KCTD16: variants seen among roughly 807,000 people sequenced by gnomAD.
The protein encoded by KCTD16 is potassium channel tetramerization domain containing 16.
Under a neutral mutation model 33.2 loss-of-function variants are expected in KCTD16, and 13 were observed. That is an observed-to-expected ratio of 0.39 (90% CI 0.25 to 0.62). KCTD16 has a LOEUF of 0.62. Ranked by LOEUF, KCTD16 falls within the 20% of genes least tolerant of loss-of-function variation. The probability of loss-of-function intolerance (pLI) is 0.50; values close to 1 mark genes in which losing one functional copy is unlikely to be tolerated. For missense variants in KCTD16, 441 were observed against 525.1 expected (o/e 0.84, Z 1.57); for synonymous variants, 197 against 195.3 (o/e 1.01, Z -0.07).
At chr5:144,241,544 C>G (rs1754404169) in intron 3 of KCTD16, among the ~76,000 whole-genome samples, 3 of 152,100 alleles carry the variant, frequency 2.0e-5, no homozygotes, top group Admixed American at 2.0e-4. Flanking sequence ...GCAAACAAGT[C>G]TTGCATGTGA....
rs1754681753 is a variant in KCTD16, at chr5:144,480,377, A to C, written c.*6263A>C. ...CTCATGTGAAATTCAAACAATACTA[A>C]TTTCTGGGGAAAAATCAAACTCATA... is the stretch of plus-strand genomic sequence containing the variant. On this transcript the variant is annotated 3_prime_UTR_variant, in exon 4 of 4. Transcript: ENST00000512467. The C allele has an allele frequency of 6.6e-6, 1 of 151,980 alleles. No homozygotes were observed. The highest frequency in any genetic ancestry group is 1.5e-5 in the Non-Finnish European group (1 of 67,934). The allele number at this position is 151,980 out of a possible 1,614,324, so 9.4% of individuals were successfully genotyped here.
In KCTD16 at chr5:144,404,497, C is replaced by T. The variant is rs535164053; in HGVS notation, c.833-69163C>T. On this transcript the variant is annotated intron_variant, in intron 3 of 3. Coordinates refer to ENST00000512467, the MANE Select transcript of KCTD16 (RefSeq NM_020768.4). ...TATCCTGGTGATGGAAAATATCCCT[C>T]AATCATCATTTGTGCAGATATCTCT... Among the ~76,000 whole-genome samples, 10 of 152,264 alleles carry T rather than the reference C, an allele frequency of 6.6e-5. No individual in the cohort carries two copies. In the South Asian group the frequency reaches 2.1e-3, roughly 32 times the overall value.
At chr5:144,391,650 C>A (rs1019681944) in intron 3 of KCTD16, among the ~76,000 whole-genome samples, 15 of 152,202 alleles carry the variant, frequency 9.9e-5, no homozygotes, top group Non-Finnish European at 4.4e-5. Flanking sequence ...CTTCCATTTT[C>A]TCCTTATAAA....
intron 3 of KCTD16, among the ~76,000 whole-genome samples, chr5:144,471,252 G>T (rs1192038104): frequency 6.6e-6 from 1 of 152,082 alleles, no homozygotes; most frequent in African/African-American, 2.4e-5. Context: ...TTTCCTTCTG[G>T]GTCCATTGAA....
intron 3 of KCTD16, among the ~76,000 whole-genome samples, chr5:144,464,536 A>G (rs369665689): frequency 1.8e-4 from 27 of 152,312 alleles, no homozygotes; most frequent in African/African-American, 5.3e-4. Context: ...ACAAGGAATG[A>G]TTCAGCCCAA....
chr5:144,173,901 A>ATTTTTTTTTTTTTT (rs58804094), intron 1 of KCTD16, among the ~76,000 whole-genome samples: 1 of 140,828 alleles, frequency 7.1e-6, no homozygotes, highest in Non-Finnish European at 1.5e-5. Context: ...TTCTTTTTGG[A>ATTTTTTTTTTTTTT]TTTTTTTTTT....
chr5:144,301,240 C>CAAAAA (rs5871873), intron 3 of KCTD16, among the ~76,000 whole-genome samples: 2 of 74,702 alleles, frequency 2.7e-5, no homozygotes, highest in East Asian at 4.4e-4. Context: ...GATTCCATCT[C>CAAAAA]AAAAAAAAAA....
rs1489740245 is a variant in KCTD16, at chr5:144,396,911, A to ATT, written c.833-76748_833-76747dup. Among the ~76,000 whole-genome samples, 484 of 68,950 alleles carry ATT rather than the reference A, an allele frequency of 7.0e-3. 3 individuals are homozygous for ATT. The highest frequency in any genetic ancestry group is 0.034 in the African/African-American group (445 of 13,048). 45.2% of individuals were successfully genotyped at this position (68,950 alleles called of 152,430 possible). A position where few individuals can be genotyped will look rare whatever the true frequency, so the allele number is the denominator to read the frequency against. ...TAGCATTGCTGAATTCACTTTATTTATTATATATATATATATATATATTTT... is the reference window on the plus strand; with the variant it reads ...TAGCATTGCTGAATTCACTTTATTTATTTTATATATATATATATATATATTTT... On this transcript the variant is annotated intron_variant, in intron 3 of 3. Transcript: ENST00000512467.
intron 3 of KCTD16, among the ~76,000 whole-genome samples, chr5:144,416,516 T>A (rs1052886930): frequency 1.3e-5 from 2 of 152,186 alleles, no homozygotes; most frequent in Non-Finnish European, 2.9e-5. Flanking sequence ...AGGAAATATG[T>A]TTACTAAAGA....
At position 144,352,804 on chromosome 5, in the gene KCTD16, T is replaced by C. The variant is rs944708988; in HGVS notation, c.833-120856T>C. ...TGAGATGATTTATGAAAACAAATGA[T>C]CTGAGTTGGCACTAATGGGTTTTGA... On this transcript the variant is annotated intron_variant, in intron 3 of 3. Transcript: ENST00000512467. Among the ~76,000 whole-genome samples, 4 of 152,234 alleles carry C rather than the reference T, an allele frequency of 2.6e-5. No individual in the cohort carries two copies. In the South Asian group the frequency reaches 6.2e-4, roughly 24 times the overall value.
rs562375182 is a variant in KCTD16 at position 144,325,406 on chromosome 5, G to C, written c.832+117860G>C. On this transcript the variant is annotated intron_variant, in intron 3 of 3. Transcript: ENST00000512467. ...GATTTCCCATTGCTCCCAGGATACG[G>C]TCTAATTCTTCAACAGGAATCAAAG... Among the ~76,000 whole-genome samples the C allele has an allele frequency of 2.0e-5, 3 of 152,062 alleles. No homozygotes were observed. The East Asian group carries it at 5.8e-4, about 29-fold the overall frequency.
chr5:144,374,990 C>T (rs1257962013), intron 3 of KCTD16, among the ~76,000 whole-genome samples: 2 of 152,186 alleles, frequency 1.3e-5, no homozygotes, highest in East Asian at 3.8e-4. Context: ...CATTGTTCCC[C>T]AGCAATTATG....
intron 3 of KCTD16, among the ~76,000 whole-genome samples, chr5:144,219,576 AATGGCGCG>A (rs1203543398): frequency 5.3e-5 from 7 of 133,006 alleles, no homozygotes; most frequent in Non-Finnish European, 9.2e-5. Flanking sequence ...GCTGGAGTGC[AATGGCGCG>A]ATCTCGGCTC....
At chr5:144,227,026 G>A (rs1344556773) in intron 3 of KCTD16, among the ~76,000 whole-genome samples, 2 of 152,186 alleles carry the variant, frequency 1.3e-5, no homozygotes, top group Non-Finnish European at 2.9e-5. Flanking sequence ...GCATTGAGGA[G>A]TCAGCACTGA....
chr5:144,300,750 A>C (rs1751412633), intron 3 of KCTD16, among the ~76,000 whole-genome samples: 3 of 152,332 alleles, frequency 2.0e-5, no homozygotes, highest in Non-Finnish European at 2.9e-5. Context: ...GAGTCCACCC[A>C]AAGGATTTCA....
intron 3 of KCTD16, among the ~76,000 whole-genome samples, chr5:144,471,864 C>T (rs1754484049): frequency 6.6e-6 from 1 of 152,082 alleles, no homozygotes; most frequent in Non-Finnish European, 1.5e-5. Context: ...TAGAAAATGA[C>T]TTGAAAGAGT....
At chr5:144,322,375 G>T (rs1215728758) in intron 3 of KCTD16, among the ~76,000 whole-genome samples, 2 of 152,094 alleles carry the variant, frequency 1.3e-5, no homozygotes, top group Non-Finnish European at 2.9e-5. Context: ...GATATAAGTT[G>T]ATCTAATCAG....
At chr5:144,294,172 C>CA (rs1462025506) in intron 3 of KCTD16, among the ~76,000 whole-genome samples, 1 of 151,926 alleles carries the variant, frequency 6.6e-6, no homozygotes, top group Non-Finnish European at 1.5e-5. Context: ...AACAAACAAA[C>CA]AAAAAACACA....
intron 3 of KCTD16, among the ~76,000 whole-genome samples, chr5:144,350,874 G>A (rs932857018): frequency 2.3e-5 from 3 of 132,212 alleles, no homozygotes; most frequent in African/African-American, 6.1e-5. Context: ...GAGACTCTCA[G>A]ATTTTTTTTT....
Sources: gnomAD v4.1 joint callset for allele counts (sites outside exome capture counted in the v4.1 genomes callset) on GRCh38, gnomAD v4.1.1 for gene constraint, MANE v1.5 for transcripts, NCBI Gene and HGNC (gene_info 2026-07-23, HGNC 2026-07-21) for gene names.